PRICKLE1: variants seen among roughly 807,000 people sequenced by gnomAD.
PRICKLE1 encodes the protein prickle planar cell polarity protein 1, also known as prickle-like protein 1.
PRICKLE1 carries 14 observed loss-of-function variants against 70.2 expected under a neutral mutation model. The observed-to-expected ratio is 0.20, with a 90% CI of 0.13 to 0.31. The LOEUF is 0.31. Among genes scored for constraint, PRICKLE1 ranks in the 10% least tolerant of loss-of-function variants. PRICKLE1 has a pLI of 1.00. For missense variants in PRICKLE1, 821 were observed against 1,026.2 expected (o/e 0.80, Z 2.73); for synonymous variants, 357 against 379.9 (o/e 0.94, Z 0.70).
intron 1 of PRICKLE1, among the ~76,000 whole-genome samples, chr12:42,563,013 T>A (rs1940544381): frequency 6.6e-6 from 1 of 151,024 alleles, no homozygotes; most frequent in Admixed American, 6.6e-5. Context: ...TGAAACCCTG[T>A]CTCTACTAAA....
intron 1 of PRICKLE1, among the ~76,000 whole-genome samples, chr12:42,493,583 G>A (rs1939141421): frequency 6.6e-6 from 1 of 152,116 alleles, no homozygotes; most frequent in Admixed American, 6.6e-5. Flanking sequence ...TTGTTTATGA[G>A]ACCACTAATA....
intron 1 of PRICKLE1, among the ~76,000 whole-genome samples, chr12:42,487,995 C>A (rs1939020073): frequency 6.6e-6 from 1 of 152,184 alleles, no homozygotes; most frequent in Non-Finnish European, 1.5e-5. Flanking sequence ...GTAGTGAGAT[C>A]ATGCCACTAC....
chr12:42,537,166 T>C (rs1318391508), intron 1 of PRICKLE1, among the ~76,000 whole-genome samples: 1 of 151,350 alleles, frequency 6.6e-6, no homozygotes, highest in Non-Finnish European at 1.5e-5. Context: ...TGAGACAGGG[T>C]CTTACTCTGT....
chr12:42,562,852 T>C (rs912452987), intron 1 of PRICKLE1, among the ~76,000 whole-genome samples: 1 of 152,164 alleles, frequency 6.6e-6, no homozygotes, highest in African/African-American at 2.4e-5. Flanking sequence ...AATAAAGACA[T>C]AGCTTACATT....
intron 1 of PRICKLE1, among the ~76,000 whole-genome samples, chr12:42,496,174 G>C (rs1240241811): frequency 1.3e-5 from 2 of 152,238 alleles, no homozygotes; most frequent in Non-Finnish European, 2.9e-5. Flanking sequence ...GTGTTTGCAA[G>C]CATGAAAGCA....
intron 1 of PRICKLE1, among the ~76,000 whole-genome samples, chr12:42,476,859 A>C (rs976367416): frequency 2.7e-5 from 4 of 150,270 alleles, no homozygotes; most frequent in Admixed American, 2.7e-4. Context: ...TATGTTGCCC[A>C]GGCTGGTCTC....
At chr12:42,490,382 A>C (rs1939077445) in intron 1 of PRICKLE1, among the ~76,000 whole-genome samples, 1 of 152,206 alleles carries the variant, frequency 6.6e-6, no homozygotes, top group Non-Finnish European at 1.5e-5. Flanking sequence ...GAGGCTGGAG[A>C]CTGCCCAAAG....
At chr12:42,577,100 A>G (rs1402183244) in intron 1 of PRICKLE1, among the ~76,000 whole-genome samples, 3 of 152,202 alleles carry the variant, frequency 2.0e-5, no homozygotes, top group Admixed American at 2.0e-4. Flanking sequence ...AGTTTGGTCA[A>G]TGGGCACGCA....
At chr12:42,467,366 C>T (rs757749864) in intron 5 of PRICKLE1, among the ~76,000 whole-genome samples, 2 of 152,152 alleles carry the variant, frequency 1.3e-5, no homozygotes, top group East Asian at 1.9e-4. Flanking sequence ...CTGCCCATCT[C>T]GGCCTCCCAA....
intron 1 of PRICKLE1, among the ~76,000 whole-genome samples, chr12:42,495,675 G>A (rs1270804111): frequency 4.0e-5 from 6 of 151,202 alleles, no homozygotes; most frequent in South Asian, 4.2e-4. Flanking sequence ...TGCAACCTCC[G>A]CCTCCCGGGT....
At chr12:42,550,539 C>T (rs1261023424) in intron 1 of PRICKLE1, among the ~76,000 whole-genome samples, 1 of 152,112 alleles carries the variant, frequency 6.6e-6, no homozygotes, top group Non-Finnish European at 1.5e-5. Flanking sequence ...AAATAGTCTC[C>T]CAAATGTCGT....
At position 42,459,259 on chromosome 12, in the gene PRICKLE1, T is replaced by G; in HGVS notation, c.*550A>C. 1.4e-6 allele frequency: 1 copy of G among 696,284 alleles called. No homozygotes were observed. The highest frequency in any genetic ancestry group is 2.1e-5 in the Admixed American group (1 of 48,254). The allele number at this position is 696,284 out of a possible 1,614,324, so 43.1% of individuals were successfully genotyped here. ...GTTATAAATAGCAATGTTTTTTGTTTTTTTTTTTCAATCTGTAGCTGGCGC... is the reference window on the plus strand; with the variant it reads ...GTTATAAATAGCAATGTTTTTTGTTGTTTTTTTTCAATCTGTAGCTGGCGC... On this transcript the variant is annotated 3_prime_UTR_variant, in exon 8 of 8. Transcript: ENST00000345127.
chr12:42,546,210 T>C (rs560288141), intron 1 of PRICKLE1, among the ~76,000 whole-genome samples: 1 of 152,186 alleles, frequency 6.6e-6, no homozygotes, highest in African/African-American at 2.4e-5. Flanking sequence ...GACTCCCACC[T>C]CATTAATATG....
At chr12:42,490,552 C>T (rs1274329940) in intron 1 of PRICKLE1, among the ~76,000 whole-genome samples, 1 of 152,180 alleles carries the variant, frequency 6.6e-6, no homozygotes, top group Non-Finnish European at 1.5e-5. Flanking sequence ...TGCAGAGAAA[C>T]CAGATGGCAA....
intron 1 of PRICKLE1, among the ~76,000 whole-genome samples, 180 bp from the exon 2 acceptor site, chr12:42,472,744 A>G (rs998421161): frequency 6.6e-6 from 1 of 152,202 alleles, no homozygotes; most frequent in African/African-American, 2.4e-5. Context: ...TTAGAGCTAT[A>G]TAATTTGGTA....
At chr12:42,584,827 C>G (rs757487971) in intron 1 of PRICKLE1, among the ~76,000 whole-genome samples, 4 of 152,124 alleles carry the variant, frequency 2.6e-5, no homozygotes, top group Non-Finnish European at 4.4e-5. Context: ...ATGGAGGAGT[C>G]TACTTACGGG....
Position 42,468,635 on chromosome 12 carries a change from T to C in PRICKLE1, c.579A>G (p.Ala193=). 6.2e-7 allele frequency: 1 copy of C among 1,614,024 alleles called. No individual in the cohort carries two copies. Among genetic ancestry groups the C allele is most frequent in the African/African-American group, 1.3e-5 (1 of 75,036 alleles). The change falls in exon 5 of 8, where the codon GCA becomes GCG. Residue 193 remains alanine (A), a synonymous_variant. Transcript: ENST00000345127. ...HAELLKPRCS[A]CDEIIFADEC... The stretch of plus-strand genomic sequence containing the variant: ...ATGAACTTTTTTTTACCTCGTCACA[T>C]GCTGAGCACCGTGGTTTGAGCAGTT...
intron 1 of PRICKLE1, among the ~76,000 whole-genome samples, chr12:42,584,182 T>C (rs1940949760): frequency 6.6e-6 from 1 of 152,074 alleles, no homozygotes; most frequent in South Asian, 2.1e-4. Flanking sequence ...CTTATTGAGA[T>C]CTCTCTACCT....
Position 42,537,848 on chromosome 12 carries a change from C to A in PRICKLE1, c.-49+51617G>T, listed in dbSNP as rs1250799732. ...CTCAGGACTCACTTGTTCAAAGAAG[C>A]ATTCTTTCAACCAAACAATCGTGTA... is the stretch of plus-strand genomic sequence containing the variant. On this transcript the variant is annotated intron_variant, in intron 1 of 7. Coordinates refer to ENST00000345127, the MANE Select transcript of PRICKLE1 (RefSeq NM_153026.3). Among the ~76,000 whole-genome samples, 4 of 152,298 alleles carry A rather than the reference C, an allele frequency of 2.6e-5. No individual in the cohort carries two copies. In the East Asian group the frequency reaches 7.7e-4, roughly 29 times the overall value.
Sources: gnomAD v4.1 joint callset for allele counts (sites outside exome capture counted in the v4.1 genomes callset) on GRCh38, gnomAD v4.1.1 for gene constraint, MANE v1.5 for transcripts, NCBI Gene and HGNC (gene_info 2026-07-23, HGNC 2026-07-21) for gene names.